Variants in ATP6V1H observed in about 807,000 individuals in gnomAD.
ATP6V1H encodes the protein V-type proton ATPase subunit H.
ATP6V1H carries 39 observed loss-of-function variants against 71.7 expected under a neutral mutation model. The observed-to-expected ratio is 0.54, with a 90% CI of 0.42 to 0.71. ATP6V1H has a LOEUF of 0.71. ATP6V1H is among the 30% of genes least tolerant of loss of function. The probability of loss-of-function intolerance (pLI) is 0.00; values close to 1 mark genes in which losing one functional copy is unlikely to be tolerated. For missense variants in ATP6V1H, 509 were observed against 594.9 expected, an observed-to-expected ratio of 0.86 and a Z score of 1.50; for synonymous variants, 192 against 199.3, an observed-to-expected ratio of 0.96 and a Z score of 0.31.
intron 2 of ATP6V1H, among the ~76,000 whole-genome samples, chr8:53,840,800 G>A (rs1811321070): frequency 6.6e-6 from 1 of 152,144 alleles, no homozygotes; most frequent in Non-Finnish European, 1.5e-5. Context: ...AAATGCATAT[G>A]CAAATCTGAA....
chr8:53,718,669 G>A lies in ATP6V1H; in HGVS notation c.1392-2645C>T, dbSNP rs566220202. Among the ~76,000 whole-genome samples, 77 of 152,214 alleles carry A rather than the reference G, an allele frequency of 5.1e-4. 1 individual carries two copies. The highest frequency in any genetic ancestry group is 1.8e-3 in the African/African-American group (74 of 41,528). On this transcript the variant is annotated intron_variant, in intron 13 of 13. Coordinates refer to ENST00000359530, the MANE Select transcript of ATP6V1H (RefSeq NM_015941.4). ...CCCCTAAAGTGCTGGGGTTACAGGC[G>A]TGAGCCACCATACCCGGCCAGGCTC...
intron 2 of ATP6V1H, chr8:53,839,759 G>A: frequency 1.0e-6 from 1 of 985,302 alleles, no homozygotes; most frequent in Non-Finnish European, 1.2e-6. Flanking sequence ...AGGGCTCTGG[G>A]ACACACACTC....
At chr8:53,792,901 A>G (rs1809614286) in intron 9 of ATP6V1H, among the ~76,000 whole-genome samples, 2 of 152,206 alleles carry the variant, frequency 1.3e-5, no homozygotes, top group Admixed American at 1.3e-4. Flanking sequence ...GCCACTTCCT[A>G]GCTATTTTGG....
Position 53,773,560 on chromosome 8 carries a change from CA to C in ATP6V1H, c.871-1394del, listed in dbSNP as rs1228595851. Among the ~76,000 whole-genome samples, 4 of 152,206 alleles carry C rather than the reference CA, an allele frequency of 2.6e-5. No individual in the cohort carries two copies. The South Asian group carries it at 8.3e-4, about 32-fold the overall frequency. On this transcript the variant is annotated intron_variant, in intron 9 of 13. Transcript: ENST00000359530. ...TTATCCTGAAGCTAAGGCACAGTGG[CA>C]AAGAAGCCACAGAAAAGCCAAAAAT...
intron 7 of ATP6V1H, among the ~76,000 whole-genome samples, chr8:53,803,406 GA>G (rs1469577733): frequency 3.9e-5 from 6 of 152,026 alleles, no homozygotes; most frequent in African/African-American, 1.4e-4. Flanking sequence ...CCTTCAAAAT[GA>G]ACATGCTAAT....
At chr8:53,836,464 A>G (rs1383255101) in intron 2 of ATP6V1H, among the ~76,000 whole-genome samples, 1 of 152,128 alleles carries the variant, frequency 6.6e-6, no homozygotes, top group Non-Finnish European at 1.5e-5. Flanking sequence ...TGACATTTCC[A>G]TAATCCAGCA....
intron 9 of ATP6V1H, among the ~76,000 whole-genome samples, chr8:53,783,554 T>C (rs1160227145): frequency 2.0e-5 from 3 of 152,256 alleles, no homozygotes; most frequent in Non-Finnish European, 2.9e-5. Flanking sequence ...AGTTCTGCTC[T>C]GATCTTAGTT....
intron 11 of ATP6V1H, among the ~76,000 whole-genome samples, chr8:53,761,621 CAA>C (rs1374036116): frequency 6.6e-6 from 1 of 152,162 alleles, no homozygotes; most frequent in Non-Finnish European, 1.5e-5. Flanking sequence ...TGTTAAAACT[CAA>C]AGTCATAAGG....
Position 53,782,498 on chromosome 8 carries a change from T to G in ATP6V1H, c.871-10331A>C, listed in dbSNP as rs983364702. ...CATGTCATCTGCAAACAGGGACAAT[T>G]TGACTTCCTCTTTTCCTAATTGAAT... On this transcript the variant is annotated intron_variant, in intron 9 of 13. Coordinates refer to ENST00000359530, the MANE Select transcript of ATP6V1H (RefSeq NM_015941.4). Among the ~76,000 whole-genome samples, 1,377 of 152,148 alleles carry G rather than the reference T, an allele frequency of 9.1e-3. 8 individuals carry two copies. Among genetic ancestry groups the G allele is most frequent in the Non-Finnish European group, 0.014 (961 of 67,992 alleles).
intron 4 of ATP6V1H, among the ~76,000 whole-genome samples, chr8:53,818,940 C>T (rs1003331792): frequency 6.6e-6 from 1 of 152,194 alleles, no homozygotes; most frequent in Non-Finnish European, 1.5e-5. Context: ...GGTGCAGTGC[C>T]TCACACTTGT....
At chr8:53,736,879 G>A (rs780094041) in intron 13 of ATP6V1H, among the ~76,000 whole-genome samples, 4 of 152,170 alleles carry the variant, frequency 2.6e-5, no homozygotes, top group Admixed American at 2.0e-4. Flanking sequence ...ACAGCCCAGC[G>A]CCACACCCCA....
At chr8:53,780,092 G>C (rs1809051183) in intron 9 of ATP6V1H, among the ~76,000 whole-genome samples, 1 of 150,962 alleles carries the variant, frequency 6.6e-6, no homozygotes, top group African/African-American at 2.4e-5. Flanking sequence ...ACAGGAGGTA[G>C]AGGTTGCAGC....
At chr8:53,791,729 C>A (rs3757953) in intron 9 of ATP6V1H, among the ~76,000 whole-genome samples, 3 of 152,166 alleles carry the variant, frequency 2.0e-5, no homozygotes, top group South Asian at 2.1e-4. Context: ...CTCCTCACAC[C>A]CCTCCTCTGG....
At chr8:53,841,506 G>C in intron 2 of ATP6V1H, 72 bp downstream of exon 2, 2 of 1,491,832 alleles carry the variant, frequency 1.3e-6, no homozygotes, top group Non-Finnish European at 1.9e-6. Flanking sequence ...TTCTCTCATA[G>C]AAGCATGACC....
At chr8:53,721,262 T>A (rs1173758737) in intron 13 of ATP6V1H, among the ~76,000 whole-genome samples, 1 of 152,168 alleles carries the variant, frequency 6.6e-6, no homozygotes, top group Non-Finnish European at 1.5e-5. Context: ...GCAAACTTTG[T>A]TTTTATGAAC....
chr8:53,795,891 G>A (rs1809714542), intron 8 of ATP6V1H, 52 bp from the exon 9 acceptor site: 1 of 1,498,298 alleles, frequency 6.7e-7, no homozygotes, highest in Non-Finnish European at 9.0e-7. Flanking sequence ...TTAGAAAGAA[G>A]AAATAAGCAA....
At chr8:53,833,652 G>A (rs991003678) in intron 2 of ATP6V1H, among the ~76,000 whole-genome samples, 2 of 151,458 alleles carry the variant, frequency 1.3e-5, no homozygotes, top group African/African-American at 2.4e-5. Context: ...TCCAGGGGTC[G>A]CTTCATCACT....
chr8:53,782,121 T>C (rs200718447), intron 9 of ATP6V1H, among the ~76,000 whole-genome samples: 2 of 152,208 alleles, frequency 1.3e-5, no homozygotes, highest in Non-Finnish European at 2.9e-5. Flanking sequence ...AATCTATAAA[T>C]TACCTTGGGC....
rs530727152 is a variant in ATP6V1H at position 53,785,641 on chromosome 8, GCT to G, written c.870+10004_870+10005del. Among the ~76,000 whole-genome samples the G allele has an allele frequency of 2.2e-3, 338 of 152,254 alleles. 2 individuals are homozygous for G. The highest frequency in any genetic ancestry group is 7.9e-3 in the African/African-American group (327 of 41,536). ...GAGTTTTAGAGTTTCTGGTTTTTCT[GCT>G]CTGTTTTTTCCCCATCTTTGTGGTT... On this transcript the variant is annotated intron_variant, in intron 9 of 13. Transcript: ENST00000359530.
Sources: allele counts gnomAD v4.1 joint callset (sites outside exome capture counted in the v4.1 genomes callset), GRCh38; gene constraint gnomAD v4.1.1; transcripts MANE v1.5; gene names NCBI Gene and HGNC (gene_info 2026-07-23, HGNC 2026-07-21).